The following IDE variants were observed in gnomAD, a reference collection of about 807,000 sequenced individuals.
The protein encoded by IDE is insulin-degrading enzyme.
In IDE, 58 loss-of-function variants were observed where a neutral mutation model predicts 133.2. The ratio of observed to expected loss-of-function variants is 0.44; its 90% CI spans 0.35 to 0.54. IDE has a LOEUF of 0.54. Among genes scored for constraint, IDE ranks in the 20% least tolerant of loss-of-function variants. The probability of loss-of-function intolerance (pLI) is 0.00; values close to 1 mark genes in which losing one functional copy is unlikely to be tolerated. For synonymous variants in IDE, 396 were observed against 421.3 expected (o/e 0.94, Z 0.73); for missense variants, 981 against 1,234.0 (o/e 0.79, Z 3.07).
chr10:92,523,891 G>A (rs987045897), intron 4 of IDE, among the ~76,000 whole-genome samples: 8 of 151,770 alleles, frequency 5.3e-5, no homozygotes, highest in Non-Finnish European at 1.0e-4. Flanking sequence ...CCACAGTGTC[G>A]GTAGAGTTAT....
At position 92,514,776 on chromosome 10, in the gene IDE, T is replaced by C. The variant is rs922669252; in HGVS notation, c.784+144A>G. The C allele has an allele frequency of 1.2e-5, 7 of 605,934 alleles. No individual in the cohort carries two copies. The Admixed American group carries it at 1.9e-4, about 17-fold the overall frequency. 37.5% of individuals were successfully genotyped at this position (605,934 alleles called of 1,614,324 possible). A position where few individuals can be genotyped will look rare whatever the true frequency, so the allele number is the denominator to read the frequency against. On this transcript the variant is annotated intron_variant, in intron 5 of 24. Transcript: ENST00000265986. ...ATTTAAACATAAAAATCCCCACCTA[T>C]GTATTCTCTAACAAGTAGATCATTT... is the stretch of plus-strand genomic sequence containing the variant.
chr10:92,528,070 G>A (rs904995542), intron 4 of IDE, among the ~76,000 whole-genome samples: 2 of 152,168 alleles, frequency 1.3e-5, no homozygotes, highest in Non-Finnish European at 2.9e-5. Flanking sequence ...ATTTTCTTCA[G>A]TATTTTTATG....
At chr10:92,513,630 T>A (rs1848743619) in intron 5 of IDE, among the ~76,000 whole-genome samples, 1 of 149,572 alleles carries the variant, frequency 6.7e-6, no homozygotes, top group Non-Finnish European at 1.5e-5. Flanking sequence ...ATTTTAAAAA[T>A]TATATTCTTA....
Position 92,454,373 on chromosome 10 carries a change from A to G in IDE, c.*71T>C, listed in dbSNP as rs939636997. On this transcript the variant is annotated 3_prime_UTR_variant, in exon 25 of 25. Transcript: ENST00000265986. Reference sequence around the variant, plus strand: ...TGAATCAGAAACTATTAAAGTGGCCAAGATGATTTTCTTAGGCTCTGGAAG... The same window carrying G: ...TGAATCAGAAACTATTAAAGTGGCCGAGATGATTTTCTTAGGCTCTGGAAG... 1 of 1,038,702 alleles carries G rather than the reference A, an allele frequency of 9.6e-7. No homozygotes were observed. Among genetic ancestry groups the G allele is most frequent in the African/African-American group, 1.6e-5 (1 of 63,826 alleles). 64.3% of individuals were successfully genotyped at this position (1,038,702 alleles called of 1,614,324 possible).
chr10:92,478,440 C>T (rs759880414), intron 15 of IDE, among the ~76,000 whole-genome samples: 56 of 152,254 alleles, frequency 3.7e-4, no homozygotes, highest in Admixed American at 1.2e-3. Flanking sequence ...ACGTAGCACA[C>T]ATACATGTTC....
chr10:92,505,488 C>T (rs888591694), intron 10 of IDE, among the ~76,000 whole-genome samples: 1 of 152,150 alleles, frequency 6.6e-6, no homozygotes, highest in Admixed American at 6.6e-5. Flanking sequence ...CTACTATGTG[C>T]CAGACACTGT....
At chr10:92,516,497 T>G (rs575461619) in intron 4 of IDE, among the ~76,000 whole-genome samples, 1 of 152,028 alleles carries the variant, frequency 6.6e-6, no homozygotes, top group African/African-American at 2.4e-5. Context: ...CTCAAAAAAA[T>G]ATGTCTATAT....
intron 22 of IDE, among the ~76,000 whole-genome samples, chr10:92,458,924 A>G (rs1845197342): frequency 6.6e-6 from 1 of 152,136 alleles, no homozygotes; most frequent in African/African-American, 2.4e-5. Flanking sequence ...TTATTGCAAA[A>G]GAACAAGAGT....
intron 22 of IDE, among the ~76,000 whole-genome samples, chr10:92,460,629 T>A (rs1213907897): frequency 2.0e-5 from 3 of 152,092 alleles, no homozygotes; most frequent in Admixed American, 6.6e-5. Flanking sequence ...TTGCAAAATA[T>A]CTCATAATGT....
At chr10:92,525,226 C>G (rs1259266724) in intron 4 of IDE, among the ~76,000 whole-genome samples, 1 of 152,218 alleles carries the variant, frequency 6.6e-6, no homozygotes, top group Non-Finnish European at 1.5e-5. Context: ...GCCCTCCAGC[C>G]TGGGCAACAG....
intron 11 of IDE, among the ~76,000 whole-genome samples, chr10:92,497,028 A>T (rs1847746822): frequency 6.6e-6 from 1 of 152,248 alleles, no homozygotes; most frequent in African/African-American, 2.4e-5. Context: ...TTGATCCCTG[A>T]CAAAATTCTA....
chr10:92,487,516 A>C (rs1187958875), intron 12 of IDE, among the ~76,000 whole-genome samples, 198 bp from the exon 13 acceptor site: 1 of 152,168 alleles, frequency 6.6e-6, no homozygotes, highest in Non-Finnish European at 1.5e-5. Flanking sequence ...AGTACTAGCA[A>C]AGATTTTGCA....
intron 11 of IDE, among the ~76,000 whole-genome samples, chr10:92,500,317 C>A (rs1847936808): frequency 6.6e-6 from 1 of 150,976 alleles, no homozygotes; most frequent in Admixed American, 6.6e-5. Context: ...AAAACCCCAA[C>A]TGACTGATAG....
At chr10:92,479,881 T>C (rs1846506544) in intron 14 of IDE, 1 of 152,888 alleles carries the variant, frequency 6.5e-6, no homozygotes, top group South Asian at 2.1e-4. Flanking sequence ...GACTGGGAAA[T>C]GTGTCTGTGG....
chr10:92,491,974 T>C (rs910548704), intron 11 of IDE, among the ~76,000 whole-genome samples: 5 of 151,996 alleles, frequency 3.3e-5, no homozygotes, highest in Non-Finnish European at 7.4e-5. Flanking sequence ...GAAAAAAGTG[T>C]TCAAGGATGG....
chr10:92,551,581 AAAAAG>A (rs892487287), intron 1 of IDE, among the ~76,000 whole-genome samples: 2 of 151,898 alleles, frequency 1.3e-5, no homozygotes, highest in East Asian at 1.9e-4. Context: ...AAAAAAAAAA[AAAAAG>A]AAAAGAAATC....
intron 4 of IDE, among the ~76,000 whole-genome samples, chr10:92,523,028 C>T (rs1258747549): frequency 1.3e-5 from 2 of 152,084 alleles, no homozygotes; most frequent in Non-Finnish European, 2.9e-5. Flanking sequence ...TTTTCTAATG[C>T]ACTTTACATG....
chr10:92,573,790 C>A (rs1418318754), intron 1 of IDE, 132 bp downstream of exon 1: 13 of 657,630 alleles, frequency 2.0e-5, no homozygotes, highest in Non-Finnish European at 9.4e-6. Context: ...AGTACGGGCC[C>A]CAGGCCGGCG....
chr10:92,519,831 G>A (rs1348549956), intron 4 of IDE, among the ~76,000 whole-genome samples: 6 of 152,130 alleles, frequency 3.9e-5, no homozygotes, highest in African/African-American at 7.2e-5. Flanking sequence ...TCTGCCAGGC[G>A]CGGTGGCTGA....
Sources: allele counts gnomAD v4.1 joint callset (sites outside exome capture counted in the v4.1 genomes callset), GRCh38; gene constraint gnomAD v4.1.1; transcripts MANE v1.5; gene names NCBI Gene and HGNC (gene_info 2026-07-23, HGNC 2026-07-21).